The following DOCK3 variants were observed in gnomAD, a reference collection of about 807,000 sequenced individuals.
The protein encoded by DOCK3 is dedicator of cytokinesis 3, also known as dedicator of cytokinesis protein 3.
A neutral mutation model predicts 265.6 loss-of-function variants in DOCK3; 60 were observed. That is an observed-to-expected ratio of 0.23 (90% CI 0.18 to 0.28). DOCK3 has a LOEUF of 0.28. DOCK3 is among the 10% of genes least tolerant of loss of function. The pLI is 1.00. For missense variants in DOCK3, 1,981 were observed against 2,594.3 expected (o/e 0.76, Z 5.14); for synonymous variants, 881 against 938.0 (o/e 0.94, Z 1.11).
At chr3:50,811,284 G>T (rs1291733743) in intron 2 of DOCK3, among the ~76,000 whole-genome samples, 9 of 151,820 alleles carry the variant, frequency 5.9e-5, no homozygotes, top group Admixed American at 5.9e-4. Context: ...CATGCCTGTA[G>T]TTCTGGCTAC....
chr3:50,742,355 T>C (rs1279429494), intron 1 of DOCK3, among the ~76,000 whole-genome samples: 1 of 152,172 alleles, frequency 6.6e-6, no homozygotes, highest in Non-Finnish European at 1.5e-5. Context: ...AGAGTGACTT[T>C]GACGAGTTGA....
intron 1 of DOCK3, among the ~76,000 whole-genome samples, chr3:50,722,148 C>A (rs893777229): frequency 6.6e-6 from 1 of 152,160 alleles, no homozygotes; most frequent in African/African-American, 2.4e-5. Flanking sequence ...CCTCCTGAGG[C>A]ATGTGAGGAC....
chr3:51,096,021 G>A lies in DOCK3; in HGVS notation c.746+5637G>A, dbSNP rs571929259. ...ATGGGCTTCCCTTTGTGGGTAACCC[G>A]ACCTTTTCCTCTGGTTGCCTTTAAC... On this transcript the variant is annotated intron_variant, in intron 9 of 52. Transcript: ENST00000266037. Among the ~76,000 whole-genome samples the A allele has an allele frequency of 2.8e-4, 43 of 151,266 alleles. 1 individual carries two copies. The highest frequency in any genetic ancestry group is 2.4e-3 in the Admixed American group (37 of 15,214).
At chr3:51,069,492 T>C (rs2081758843) in intron 6 of DOCK3, among the ~76,000 whole-genome samples, 1 of 4,876 alleles carries the variant, frequency 2.1e-4, no homozygotes, top group African/African-American at 3.4e-4. Context: ...AGAAATATTT[T>C]ATTCTTAGAA....
chr3:51,144,602 C>T (rs1054151813), intron 9 of DOCK3, among the ~76,000 whole-genome samples: 15 of 152,108 alleles, frequency 9.9e-5, no homozygotes, highest in African/African-American at 3.4e-4. Context: ...TTGCATGTTC[C>T]CTGCTTATTC....
intron 22 of DOCK3, among the ~76,000 whole-genome samples, chr3:51,259,085 T>TAG (rs2079709996): frequency 6.6e-6 from 1 of 152,166 alleles, no homozygotes; most frequent in Non-Finnish European, 1.5e-5. Flanking sequence ...AAAAAGCTAC[T>TAG]AGAACAGAGG....
chr3:51,278,293 GAAAC>G (rs2080922842), intron 26 of DOCK3: 3 of 985,248 alleles, frequency 3.0e-6, no homozygotes, highest in Non-Finnish European at 3.6e-6. Context: ...AATTAGAAGA[GAAAC>G]AAACTGGGAA....
At position 51,158,108 on chromosome 3, in the gene DOCK3, C is replaced by T. The variant is rs552647277; in HGVS notation, c.829-1136C>T. 3.9e-5 allele frequency among the ~76,000 whole-genome samples: 6 copies of T among 152,178 alleles called. No individual in the cohort carries two copies. In the South Asian group the frequency reaches 1.0e-3, roughly 26 times the overall value. ...GTTATTCCATCAAGTATCATTAACT[C>T]GCAATAATGGCTGAGAGAGCAGCAA... On this transcript the variant is annotated intron_variant, in intron 10 of 52. Coordinates refer to ENST00000266037, the MANE Select transcript of DOCK3 (RefSeq NM_004947.5).
chr3:50,877,214 T>C, intron 3 of DOCK3: 1 of 310,776 alleles, frequency 3.2e-6, no homozygotes, highest in East Asian at 8.3e-5. Context: ...TTTCTCCCTC[T>C]GAGCTCTCTC....
At chr3:50,755,365 T>G (rs2040095839) in intron 1 of DOCK3, among the ~76,000 whole-genome samples, 1 of 152,212 alleles carries the variant, frequency 6.6e-6, no homozygotes, top group Non-Finnish European at 1.5e-5. Flanking sequence ...TTCTGCTCCA[T>G]GTATAGTATC....
At chr3:50,862,354 C>T (rs531379395) in intron 3 of DOCK3, among the ~76,000 whole-genome samples, 11 of 152,320 alleles carry the variant, frequency 7.2e-5, no homozygotes, top group South Asian at 2.1e-4. Flanking sequence ...CCAAGCCCTT[C>T]GGGCAGCATA....
intron 38 of DOCK3, among the ~76,000 whole-genome samples, chr3:51,341,791 G>T (rs1420946084): frequency 6.6e-6 from 1 of 152,210 alleles, no homozygotes; most frequent in African/African-American, 2.4e-5. Context: ...ACAGCCAAAG[G>T]CGGCCTAAAC....
At chr3:51,131,371 A>T (rs1032609239) in intron 9 of DOCK3, among the ~76,000 whole-genome samples, 1 of 152,126 alleles carries the variant, frequency 6.6e-6, no homozygotes, top group Admixed American at 6.5e-5. Flanking sequence ...TCCCCAGTGC[A>T]CAGTTACCCT....
intron 5 of DOCK3, among the ~76,000 whole-genome samples, chr3:50,970,234 T>A (rs1028821726): frequency 6.6e-6 from 1 of 152,194 alleles, no homozygotes; most frequent in African/African-American, 2.4e-5. Context: ...TTTTTTCCTT[T>A]ACGTTCACTT....
At chr3:51,167,547 A>C (rs2086469385) in intron 12 of DOCK3, among the ~76,000 whole-genome samples, 1 of 152,056 alleles carries the variant, frequency 6.6e-6, no homozygotes. Context: ...TATTATATGG[A>C]TATTTTGAAA....
At chr3:51,242,773 G>A (rs2078665384) in intron 21 of DOCK3, among the ~76,000 whole-genome samples, 1 of 152,070 alleles carries the variant, frequency 6.6e-6, no homozygotes, top group Admixed American at 6.6e-5. Flanking sequence ...GTGGGAGCAG[G>A]GGACAGGCTG....
chr3:50,686,485 G>C (rs1434462188), intron 1 of DOCK3, among the ~76,000 whole-genome samples: 3 of 152,186 alleles, frequency 2.0e-5, no homozygotes, highest in Admixed American at 1.3e-4. Flanking sequence ...TCACAGATTG[G>C]TCGTGGATCT....
At chr3:51,087,497 C>G (rs150049109) in intron 7 of DOCK3, among the ~76,000 whole-genome samples, 9 of 152,262 alleles carry the variant, frequency 5.9e-5, no homozygotes, top group African/African-American at 1.9e-4. Flanking sequence ...AGCATAAAAG[C>G]TGTATATGAC....
intron 11 of DOCK3, 150 bp downstream of exon 11, chr3:51,159,454 G>A: frequency 3.2e-6 from 2 of 633,930 alleles, no homozygotes; most frequent in South Asian, 5.6e-5. Flanking sequence ...CTATACCTAA[G>A]CTCAACTGCT....
Sources: gnomAD v4.1 joint callset for allele counts (sites outside exome capture counted in the v4.1 genomes callset) on GRCh38, gnomAD v4.1.1 for gene constraint, MANE v1.5 for transcripts, NCBI Gene and HGNC (gene_info 2026-07-23, HGNC 2026-07-21) for gene names.